Variants in TRPM3 observed in about 807,000 individuals in gnomAD.
TRPM3 encodes the protein transient receptor potential cation channel subfamily M member 3.
In TRPM3, 77 loss-of-function variants were observed where a neutral mutation model predicts 181.2. The observed-to-expected ratio is 0.42, with a 90% CI of 0.35 to 0.51. The LOEUF is 0.51. TRPM3 is among the 20% of genes least tolerant of loss of function. The probability of loss-of-function intolerance (pLI) is 0.01; values close to 1 mark genes in which losing one functional copy is unlikely to be tolerated. For synonymous variants in TRPM3, 745 were observed against 796.4 expected (o/e 0.94, Z 1.09); for missense variants, 1,759 against 2,196.7 (o/e 0.80, Z 3.98).
chr9:71,334,259 T>C (rs2090410460), intron 1 of TRPM3, among the ~76,000 whole-genome samples: 1 of 151,698 alleles, frequency 6.6e-6, no homozygotes, highest in African/African-American at 2.4e-5. Context: ...TAAATCTGCC[T>C]AATATTTTGC....
intron 1 of TRPM3, among the ~76,000 whole-genome samples, chr9:71,181,026 AG>A (rs2077371886): frequency 6.6e-6 from 1 of 152,150 alleles, no homozygotes; most frequent in Non-Finnish European, 1.5e-5. Flanking sequence ...TATAGTCACA[AG>A]GGATTGACAA....
chr9:70,871,610 G>A (rs1294227371), intron 1 of TRPM3, among the ~76,000 whole-genome samples: 1 of 151,944 alleles, frequency 6.6e-6, no homozygotes, highest in African/African-American at 2.4e-5. Context: ...ATTATCTTTA[G>A]GACCCTTTGA....
intron 1 of TRPM3, among the ~76,000 whole-genome samples, chr9:71,063,944 A>G (rs2061610798): frequency 1.3e-5 from 2 of 152,100 alleles, no homozygotes; most frequent in African/African-American, 4.8e-5. Flanking sequence ...TGGCATGCCT[A>G]TTGGAATGAG....
At chr9:71,326,241 T>C (rs2132501379) in intron 1 of TRPM3, among the ~76,000 whole-genome samples, 1 of 152,306 alleles carries the variant, frequency 6.6e-6, no homozygotes. Context: ...AAAGATGATA[T>C]TTATTAATAA....
At chr9:70,577,848 T>G (rs2054448302) in intron 22 of TRPM3, among the ~76,000 whole-genome samples, 1 of 152,210 alleles carries the variant, frequency 6.6e-6, no homozygotes, top group Admixed American at 6.5e-5. Context: ...ATGCACCATA[T>G]ATAGTTCCTT....
At chr9:71,399,823 G>A (rs1416514283) in intron 1 of TRPM3, among the ~76,000 whole-genome samples, 6 of 151,926 alleles carry the variant, frequency 3.9e-5, no homozygotes, top group South Asian at 2.1e-4. Flanking sequence ...GAGCCACTGC[G>A]CCCAGCCTAT....
At chr9:70,600,450 A>G (rs1169741358) in intron 20 of TRPM3, among the ~76,000 whole-genome samples, 1 of 152,082 alleles carries the variant, frequency 6.6e-6, no homozygotes, top group East Asian at 1.9e-4. Context: ...GAAGCTGAGC[A>G]GGGTACCAGG....
rs757884022 is a variant in TRPM3 at position 70,846,388 on chromosome 9, C to T, written c.666G>A (p.Gly222=). The T allele has an allele frequency of 1.2e-6, 2 of 1,613,910 alleles. No individual in the cohort carries two copies. The highest frequency in any genetic ancestry group is 2.2e-5 in the South Asian group (2 of 91,072). ...TCCACTTGCAATTACCTGTGTTAAC[C>T]CCTCCAGTGAATATCCACGCTCCAG... ...MTTGAWIFTG[G]VNTGVIRHVG... is the part of the protein sequence containing the mutation. Residue 222 remains glycine (G), a synonymous_variant, in exon 4 of 26, where the codon GGG becomes GGA. Coordinates refer to ENST00000677713, the MANE Select transcript of TRPM3 (RefSeq NM_001366145.2).
intron 1 of TRPM3, among the ~76,000 whole-genome samples, chr9:71,058,764 C>G (rs961551440): frequency 5.3e-5 from 8 of 151,874 alleles, no homozygotes; most frequent in African/African-American, 1.9e-4. Context: ...TGTAAATAAG[C>G]CAAAACCTAA....
intron 1 of TRPM3, among the ~76,000 whole-genome samples, chr9:71,394,432 G>C (rs1179649350): frequency 6.6e-6 from 1 of 152,126 alleles, no homozygotes; most frequent in South Asian, 2.1e-4. Context: ...GATAAAACAT[G>C]TATTTGTTTA....
chr9:70,945,587 A>T (rs117189578), intron 1 of TRPM3, among the ~76,000 whole-genome samples: 2,269 of 152,198 alleles, frequency 0.015, 25 homozygotes, highest in South Asian at 0.047. Flanking sequence ...CCAACTCCCC[A>T]AATTTCCCAC....
intron 9 of TRPM3, among the ~76,000 whole-genome samples, chr9:70,669,730 CTTTCTTTCTTTCTTTTCTTT>C (rs1360987789): frequency 6.1e-5 from 9 of 146,666 alleles, no homozygotes; most frequent in African/African-American, 2.3e-4. Context: ...TCTTTTCTTT[CTTTCTTTCTTTCTTTTCTTT>C]TTTTTTTTTT....
At chr9:70,541,354 G>C (rs2043299459) in intron 25 of TRPM3, among the ~76,000 whole-genome samples, 2 of 152,138 alleles carry the variant, frequency 1.3e-5, no homozygotes, top group Admixed American at 6.5e-5. Context: ...CTCCCAGAAT[G>C]CTGGGTGTGT....
At chr9:70,915,955 C>T (rs1296233979) in intron 1 of TRPM3, among the ~76,000 whole-genome samples, 1 of 151,946 alleles carries the variant, frequency 6.6e-6, no homozygotes, top group East Asian at 1.9e-4. Context: ...AATCAAACTT[C>T]CAAAGGTAAA....
At chr9:71,444,564 C>T (rs1028102868) in intron 1 of TRPM3, among the ~76,000 whole-genome samples, 1 of 151,846 alleles carries the variant, frequency 6.6e-6, no homozygotes, top group African/African-American at 2.4e-5. Context: ...CAGCATTAAT[C>T]ATATTAACTG....
intron 1 of TRPM3, among the ~76,000 whole-genome samples, chr9:71,087,985 C>T (rs2065568198): frequency 6.6e-6 from 1 of 152,006 alleles, no homozygotes; most frequent in African/African-American, 2.4e-5. Context: ...CACCTTAACC[C>T]TTACATTGTT....
chr9:71,354,217 C>A (rs1254899751), intron 1 of TRPM3, among the ~76,000 whole-genome samples: 4 of 152,174 alleles, frequency 2.6e-5, no homozygotes, highest in South Asian at 2.1e-4. Flanking sequence ...TAGGGAGGTA[C>A]ACAAGCAAGT....
chr9:71,372,779 G>C (rs1047324710), intron 1 of TRPM3, among the ~76,000 whole-genome samples: 1 of 152,024 alleles, frequency 6.6e-6, no homozygotes, highest in Non-Finnish European at 1.5e-5. Context: ...TGGCAAGCTG[G>C]GTAAAGGGTC....
At chr9:70,996,299 T>C (rs2134180949) in intron 1 of TRPM3, among the ~76,000 whole-genome samples, 1 of 152,180 alleles carries the variant, frequency 6.6e-6, no homozygotes, top group Non-Finnish European at 1.5e-5. Context: ...AAGGCATAGG[T>C]GGTGAAAGGC....
Sources: gnomAD v4.1 joint callset for allele counts (sites outside exome capture counted in the v4.1 genomes callset) on GRCh38, gnomAD v4.1.1 for gene constraint, MANE v1.5 for transcripts, NCBI Gene and HGNC (gene_info 2026-07-23, HGNC 2026-07-21) for gene names.